OPCML: variants seen among roughly 807,000 people sequenced by gnomAD.
OPCML encodes opioid binding protein/cell adhesion molecule like.
OPCML carries 13 observed loss-of-function variants against 37.8 expected under a neutral mutation model. The ratio of observed to expected loss-of-function variants is 0.34; its 90% CI spans 0.22 to 0.55. The LOEUF is 0.55. Among genes scored for constraint, OPCML ranks in the 20% least tolerant of loss-of-function variants. The pLI, the probability that OPCML is intolerant of heterozygous loss-of-function variation, is 0.91. For missense variants in OPCML, 341 were observed against 435.6 expected (o/e 0.78, Z 1.93); for synonymous variants, 176 against 168.8 (o/e 1.04, Z -0.33).
chr11:133,084,022 C>T (rs979829601), intron 1 of OPCML, among the ~76,000 whole-genome samples: 1 of 152,168 alleles, frequency 6.6e-6, no homozygotes, highest in African/African-American at 2.4e-5. Context: ...CGCCTCGTCT[C>T]CCTAACTAGA....
Position 133,058,262 on chromosome 11 carries a change from G to A in OPCML, c.62-115252C>T, listed in dbSNP as rs999653627. On this transcript the variant is annotated intron_variant, in intron 1 of 7. Transcript: ENST00000524381. Reference sequence around the variant, plus strand: ...TAAAGACTTCAGGAAAGAAATCACCGAGAGGTGACACATGACGTGGAATTT... The same window carrying A: ...TAAAGACTTCAGGAAAGAAATCACCAAGAGGTGACACATGACGTGGAATTT... Among the ~76,000 whole-genome samples the A allele has an allele frequency of 3.2e-4, 48 of 152,190 alleles. 2 individuals are homozygous for A. The highest frequency in any genetic ancestry group is 2.8e-3 in the Admixed American group (43 of 15,276).
At chr11:132,891,339 G>A (rs1471040974) in intron 2 of OPCML, among the ~76,000 whole-genome samples, 1 of 152,062 alleles carries the variant, frequency 6.6e-6, no homozygotes, top group African/African-American at 2.4e-5. Flanking sequence ...AGACATCATA[G>A]CAAAAGTAGC....
At chr11:132,466,760 G>A (rs921162264) in intron 4 of OPCML, among the ~76,000 whole-genome samples, 2 of 152,208 alleles carry the variant, frequency 1.3e-5, no homozygotes, top group South Asian at 2.1e-4. Context: ...ATAAGCATTC[G>A]GGGCTGGAGC....
intron 1 of OPCML, among the ~76,000 whole-genome samples, chr11:133,362,457 C>T (rs1202847515): frequency 1.3e-5 from 2 of 152,168 alleles, no homozygotes; most frequent in African/African-American, 4.8e-5. Flanking sequence ...GGGAGCAGTG[C>T]GGCTTTGTGC....
chr11:132,613,457 A>G (rs1938790906), intron 3 of OPCML, among the ~76,000 whole-genome samples: 1 of 152,222 alleles, frequency 6.6e-6, no homozygotes, highest in Non-Finnish European at 1.5e-5. Flanking sequence ...AAAGCCAGCT[A>G]ATTGATTTTA....
intron 1 of OPCML, among the ~76,000 whole-genome samples, chr11:132,948,154 G>T (rs1304506571): frequency 6.6e-6 from 1 of 152,200 alleles, no homozygotes; most frequent in Non-Finnish European, 1.5e-5. Flanking sequence ...TAAAATCAAG[G>T]CTGGTAAGAA....
intron 1 of OPCML, among the ~76,000 whole-genome samples, chr11:133,023,851 T>C (rs1386827459): frequency 1.3e-5 from 2 of 152,220 alleles, no homozygotes; most frequent in Non-Finnish European, 2.9e-5. Flanking sequence ...TAGCTTGGTT[T>C]GCCTGCTTTA....
intron 1 of OPCML, among the ~76,000 whole-genome samples, chr11:133,330,773 C>T (rs1943600724): frequency 6.6e-6 from 1 of 152,026 alleles, no homozygotes; most frequent in African/African-American, 2.4e-5. Flanking sequence ...CAACATGGCA[C>T]ATGTATACAT....
At chr11:133,181,704 G>T (rs544576529) in intron 1 of OPCML, among the ~76,000 whole-genome samples, 11 of 152,166 alleles carry the variant, frequency 7.2e-5, no homozygotes, top group Admixed American at 2.0e-4. Context: ...GGCAAATGCT[G>T]CCATCAGACA....
intron 1 of OPCML, among the ~76,000 whole-genome samples, chr11:133,400,349 T>C (rs1189468409): frequency 2.0e-5 from 3 of 152,216 alleles, no homozygotes; most frequent in African/African-American, 7.2e-5. Flanking sequence ...AGGGAGATAG[T>C]TTACTCAGCC....
intron 1 of OPCML, among the ~76,000 whole-genome samples, chr11:133,436,416 T>C (rs140627165): frequency 8.5e-5 from 13 of 152,288 alleles, no homozygotes; most frequent in Admixed American, 7.8e-4. Flanking sequence ...TTTATATTGA[T>C]AGAATTCCCC....
chr11:133,509,611 C>A (rs1180145889), intron 1 of OPCML, among the ~76,000 whole-genome samples: 1 of 152,178 alleles, frequency 6.6e-6, no homozygotes, highest in African/African-American at 2.4e-5. Context: ...AACTCTCAAT[C>A]AACCTTCTCC....
At chr11:133,344,888 A>T (rs576335031) in intron 1 of OPCML, among the ~76,000 whole-genome samples, 1 of 152,248 alleles carries the variant, frequency 6.6e-6, no homozygotes, top group South Asian at 2.1e-4. Flanking sequence ...GAATTGGGAC[A>T]CCTCTTAGGA....
chr11:132,849,202 C>T lies in OPCML; in HGVS notation c.146+93724G>A, dbSNP rs1277973857. ...AACACAACTTTCTCCATTTTATGGA[C>T]AAGGAAACTGATGTGAAGAGAGGAT... is the stretch of plus-strand genomic sequence containing the variant. On this transcript the variant is annotated intron_variant, in intron 2 of 7. Transcript: ENST00000524381. Among the ~76,000 whole-genome samples, 3 of 152,210 alleles carry T rather than the reference C, an allele frequency of 2.0e-5. No homozygotes were observed. In the East Asian group the frequency reaches 5.8e-4, roughly 29 times the overall value.
At chr11:133,176,497 T>C (rs1253730042) in intron 1 of OPCML, among the ~76,000 whole-genome samples, 1 of 151,890 alleles carries the variant, frequency 6.6e-6, no homozygotes, top group Non-Finnish European at 1.5e-5. Flanking sequence ...CTGGTGGAGG[T>C]GGGGCCTGCT....
chr11:133,421,668 C>G (rs1449209177), intron 1 of OPCML: 5 of 985,088 alleles, frequency 5.1e-6, no homozygotes, highest in Non-Finnish European at 6.0e-6. Flanking sequence ...CTAAATGAAC[C>G]CTTTATTTAT....
At chr11:132,707,266 CAA>C (rs1944071369) in intron 2 of OPCML, among the ~76,000 whole-genome samples, 1 of 152,104 alleles carries the variant, frequency 6.6e-6, no homozygotes, top group Admixed American at 6.6e-5. Context: ...AGCCAAGGCC[CAA>C]TAGAATGCCA....
At chr11:132,726,218 T>G (rs1328196789) in intron 2 of OPCML, among the ~76,000 whole-genome samples, 1 of 151,796 alleles carries the variant, frequency 6.6e-6, no homozygotes, top group Non-Finnish European at 1.5e-5. Context: ...AAAGGAAGAG[T>G]TTTAATCAAT....
At chr11:132,558,798 C>T (rs1457125307) in intron 3 of OPCML, among the ~76,000 whole-genome samples, 2 of 151,944 alleles carry the variant, frequency 1.3e-5, no homozygotes, top group Non-Finnish European at 2.9e-5. Context: ...ATTCTTTACC[C>T]TGATTCTGTT....
Sources: allele counts gnomAD v4.1 joint callset (sites outside exome capture counted in the v4.1 genomes callset), GRCh38; gene constraint gnomAD v4.1.1; transcripts MANE v1.5; gene names NCBI Gene and HGNC (gene_info 2026-07-23, HGNC 2026-07-21).